IPO9: variants seen among roughly 807,000 people sequenced by gnomAD.
IPO9 encodes importin 9.
Under a neutral mutation model 128.6 loss-of-function variants are expected in IPO9, and 28 were observed. That is an observed-to-expected ratio of 0.22 (90% CI 0.16 to 0.30). IPO9 has a LOEUF of 0.30. Among genes scored for constraint, IPO9 ranks in the 10% least tolerant of loss-of-function variants. The probability of loss-of-function intolerance (pLI) is 1.00; values close to 1 mark genes in which losing one functional copy is unlikely to be tolerated. For missense variants in IPO9, 935 were observed against 1,293.9 expected (o/e 0.72, Z 4.26); for synonymous variants, 455 against 475.8 (o/e 0.96, Z 0.57).
At chr1:201,873,577 G>T (rs976026860) in intron 20 of IPO9, among the ~76,000 whole-genome samples, 1 of 149,462 alleles carries the variant, frequency 6.7e-6, no homozygotes, top group African/African-American at 2.5e-5. Context: ...GAGAAACCCC[G>T]TCTCTACCAA....
intron 1 of IPO9, among the ~76,000 whole-genome samples, chr1:201,842,996 C>CTGAGCTACTGTTTCTT (rs755296565): frequency 1.8e-3 from 280 of 152,318 alleles, no homozygotes; most frequent in Non-Finnish European, 3.1e-3. Flanking sequence ...TTTCTTTCCT[C>CTGAGCTACTGTTTCTT]TGAGCTACTG....
rs942299129 is a variant in IPO9 at position 201,883,817 on chromosome 1, C to T, written c.*7763C>T. The T allele has an allele frequency of 5.3e-5, 8 of 152,380 alleles. No individual in the cohort carries two copies. The highest frequency in any genetic ancestry group is 1.2e-4 in the African/African-American group (5 of 41,596). The allele number at this position is 152,380 out of a possible 1,614,324, so 9.4% of individuals were successfully genotyped here. On this transcript the variant is annotated 3_prime_UTR_variant, in exon 24 of 24. Coordinates refer to ENST00000361565, the MANE Select transcript of IPO9 (RefSeq NM_018085.5). ...TTGCAAATTCATAACTAATATCCCT[C>T]GTCAGCTCCGCTGACTCATCCCTGC...
chr1:201,839,643 T>A (rs1680000911), intron 1 of IPO9, among the ~76,000 whole-genome samples: 1 of 151,792 alleles, frequency 6.6e-6, no homozygotes, highest in Non-Finnish European at 1.5e-5. Context: ...CTAGATTTTT[T>A]AAAAATAAAC....
Position 201,870,686 on chromosome 1 carries a change from T to C in IPO9, c.2237T>C (p.Val746Ala). 5 of 1,614,212 alleles carry C rather than the reference T, an allele frequency of 3.1e-6. No individual in the cohort carries two copies. Among genetic ancestry groups the C allele is most frequent in the Non-Finnish European group, 4.2e-6 (5 of 1,180,034 alleles). ...AATGGACTGTGGTATGTGATGCAAG[T>C]GGTGAGCCAGCTCCTGGACCCCCGC... ...GHNGLWYVMQVVSQLLDPRTS... is the reference protein window; with the variant it reads ...GHNGLWYVMQAVSQLLDPRTS... Residue 746 changes from valine to alanine, a missense_variant, in exon 18 of 24, where the codon GTG (valine) becomes GCG (alanine). By Grantham distance (64) the Val-to-Ala change is moderately conservative (BLOSUM62 0). This residue lies in a region of IPO9 where 741 missense variants were observed against 1,019.1 expected (regional missense o/e 0.73). Coordinates refer to ENST00000361565, the MANE Select transcript of IPO9 (RefSeq NM_018085.5). The surrounding 1 kb of genome is among the most constrained non-coding windows in gnomAD (Gnocchi z 4.9).
chr1:201,836,039 G>C (rs965119835), intron 1 of IPO9, among the ~76,000 whole-genome samples: 1 of 149,470 alleles, frequency 6.7e-6, no homozygotes, highest in Non-Finnish European at 1.5e-5. Flanking sequence ...CTGAACCCGG[G>C]AGGCAGAGCT....
At chr1:201,843,004 C>T (rs1680063191) in intron 1 of IPO9, among the ~76,000 whole-genome samples, 1 of 152,188 alleles carries the variant, frequency 6.6e-6, no homozygotes, top group Non-Finnish European at 1.5e-5. Flanking sequence ...CTCTGAGCTA[C>T]TGTTTCTTCT....
intron 11 of IPO9, 98 bp from the exon 12 acceptor site, chr1:201,858,349 T>A: frequency 1.7e-6 from 1 of 592,272 alleles, no homozygotes. Context: ...GTGAAAGAGC[T>A]TGAACCAATC....
intron 12 of IPO9, 151 bp downstream of exon 12, chr1:201,858,704 T>A (rs779726775): frequency 4.0e-5 from 34 of 843,046 alleles, no homozygotes; most frequent in Non-Finnish European, 5.1e-5. Context: ...TTCACTCTTT[T>A]CAGCTATAGG....
chr1:201,874,344 C>T lies in IPO9; in HGVS notation c.2805C>T (p.Arg935=), dbSNP rs781311707. ...LSNVMEANAA[R]QATPAEWSQD... is the part of the protein sequence containing the mutation. ...ACGTCATGGAGGCTAATGCCGCTCG[C>T]CAGGCCACTCCTGCAGAGTGGAGTC... is the stretch of plus-strand genomic sequence containing the variant. Residue 935 remains arginine, a synonymous_variant, in exon 21 of 24, where the codon CGC becomes CGT. Transcript: ENST00000361565. 246 of 1,613,976 alleles carry T rather than the reference C, an allele frequency of 1.5e-4. No individual in the cohort carries two copies. The highest frequency in any genetic ancestry group is 1.8e-4 in the Admixed American group (11 of 60,008).
chr1:201,854,700 A>G lies in IPO9; in HGVS notation c.796A>G (p.Met266Val). The change falls in exon 7 of 24, where the codon ATG becomes GTG. Residue 266 changes from methionine to valine, a missense_variant. Physicochemically the swap from Met to Val is conservative, Grantham distance 21. Coordinates refer to ENST00000361565, the MANE Select transcript of IPO9 (RefSeq NM_018085.5). Reference sequence around the variant, plus strand: ...CCCCACATCTGACAGTGGGTTTAAGATGGAGGTCCTAAAGGTAAACACTTA... The same window carrying G: ...CCCCACATCTGACAGTGGGTTTAAGGTGGAGGTCCTAAAGGTAAACACTTA... ...DGPTSDSGFKMEVLKAVTALV... is the reference protein window; with the variant it reads ...DGPTSDSGFKVEVLKAVTALV... 1 of 1,614,160 alleles carries G rather than the reference A, an allele frequency of 6.2e-7. No individual in the cohort carries two copies. Among genetic ancestry groups the G allele is most frequent in the Non-Finnish European group, 8.5e-7 (1 of 1,180,032 alleles).
At chr1:201,852,251 T>G in intron 5 of IPO9, 59 bp downstream of exon 5, 1 of 1,073,670 alleles carries the variant, frequency 9.3e-7, no homozygotes, top group Non-Finnish European at 1.4e-6. Flanking sequence ...CCCCCAGCCT[T>G]TCAGGTGGGA....
chr1:201,864,619 G>A (rs1455899060), intron 14 of IPO9, among the ~76,000 whole-genome samples: 2 of 152,222 alleles, frequency 1.3e-5, no homozygotes, highest in East Asian at 1.9e-4. Flanking sequence ...GTTTGCAGCT[G>A]CAAGCTGTGA....
intron 1 of IPO9, among the ~76,000 whole-genome samples, chr1:201,835,519 G>T (rs1679906393): frequency 6.6e-6 from 1 of 152,178 alleles, no homozygotes; most frequent in Admixed American, 6.5e-5. Flanking sequence ...TAGAGTCAGG[G>T]TGAAAACCCA....
chr1:201,854,479 A>G, intron 6 of IPO9, 116 bp from the exon 7 acceptor site: 4 of 1,289,900 alleles, frequency 3.1e-6, no homozygotes. Context: ...TCTTCTGATC[A>G]GGCTTGGAGC....
Position 201,848,488 on chromosome 1 carries a change from C to T in IPO9, c.408C>T (p.Ala136=), listed in dbSNP as rs991669677. 4 of 1,614,034 alleles carry T rather than the reference C, an allele frequency of 2.5e-6. No homozygotes were observed. The highest frequency in any genetic ancestry group is 1.7e-5 in the Admixed American group (1 of 59,982). ...SSVAYAVSAI[A]HWDWPEAWPQ... is the part of the protein sequence containing the mutation. ...TGGCCTATGCAGTGTCAGCCATTGC[C>T]CACTGGGACTGGCCTGAAGCTTGGC... The change falls in exon 4 of 24, where the codon GCC becomes GCT. Residue 136 remains alanine, a synonymous_variant. Coordinates refer to ENST00000361565, the MANE Select transcript of IPO9 (RefSeq NM_018085.5).
chr1:201,872,355 AC>A (rs1680669096), intron 19 of IPO9, among the ~76,000 whole-genome samples: 1 of 152,162 alleles, frequency 6.6e-6, no homozygotes, highest in Admixed American at 6.5e-5. Context: ...AGAACAGGTC[AC>A]CTGTAATCCC....
chr1:201,844,655 C>T (rs1680093998), intron 1 of IPO9, among the ~76,000 whole-genome samples: 1 of 152,186 alleles, frequency 6.6e-6, no homozygotes, highest in South Asian at 2.1e-4. Context: ...TTCAGCTTTT[C>T]TGTAAGTCTT....
intron 1 of IPO9, among the ~76,000 whole-genome samples, chr1:201,830,436 A>G (rs1310851840): frequency 1.3e-5 from 2 of 152,230 alleles, no homozygotes; most frequent in Non-Finnish European, 2.9e-5. Flanking sequence ...ACATTCTTTC[A>G]CAGTATGAAA....
Position 201,870,505 on chromosome 1 carries a change from A to AT in IPO9, c.2134-75dup, listed in dbSNP as rs1475946234. 6.6e-7 allele frequency: 1 copy of AT among 1,506,418 alleles called. No individual in the cohort carries two copies. The highest frequency in any genetic ancestry group is 8.9e-7 in the Non-Finnish European group (1 of 1,118,804). The allele number at this position is 1,506,418 out of a possible 1,614,324, so 93.3% of individuals were successfully genotyped here. A position where few individuals can be genotyped will look rare whatever the true frequency, so the allele number is the denominator to read the frequency against. ...TTATGAGGCATAGGCCTCTGGGAAC[A>AT]TTTGTTTATACAGACTGAGGGCCTT... On this transcript the variant is annotated intron_variant, in intron 17 of 23. Transcript: ENST00000361565. This position sits in a 1 kb window ranked among gnomAD's most constrained non-coding sequence, Gnocchi z 4.9.
Sources: allele counts gnomAD v4.1 joint callset (sites outside exome capture counted in the v4.1 genomes callset), GRCh38; gene constraint gnomAD v4.1.1; regional missense constraint gnomAD v4.1.1; non-coding constraint Gnocchi (gnomAD v3.1); transcripts MANE v1.5; gene names NCBI Gene and HGNC (gene_info 2026-07-23, HGNC 2026-07-21).